The following FAM107B variants were observed in gnomAD, a reference collection of about 807,000 sequenced individuals.
The protein encoded by FAM107B is family with sequence similarity 107 member B.
FAM107B carries 21 observed loss-of-function variants against 31.5 expected under a neutral mutation model. The ratio of observed to expected loss-of-function variants is 0.67; its 90% CI spans 0.47 to 0.96. The LOEUF (loss-of-function observed/expected upper bound fraction) is 0.96, where lower values mean the gene tolerates loss of function less well. FAM107B is among the 40% of genes least tolerant of loss of function. FAM107B has a pLI of 0.00. For synonymous variants in FAM107B, 157 were observed against 141.5 expected (o/e 1.11, Z -0.78); for missense variants, 452 against 377.1 (o/e 1.20, Z -1.64).
intron 2 of FAM107B, among the ~76,000 whole-genome samples, chr10:14,665,857 C>A (rs1207171914): frequency 6.6e-6 from 1 of 152,182 alleles, no homozygotes; most frequent in African/African-American, 2.4e-5. Flanking sequence ...CACATGATTT[C>A]TCATATTGCG....
chr10:14,538,185 A>G (rs1027730055), intron 2 of FAM107B, among the ~76,000 whole-genome samples: 4 of 152,228 alleles, frequency 2.6e-5, no homozygotes, highest in African/African-American at 7.2e-5. Flanking sequence ...ACATCTTGCA[A>G]AGGATGACAT....
At chr10:14,540,677 C>T (rs1184782508) in intron 2 of FAM107B, among the ~76,000 whole-genome samples, 1 of 152,242 alleles carries the variant, frequency 6.6e-6, no homozygotes, top group African/African-American at 2.4e-5. Context: ...TACACCTTTA[C>T]CCCTTCTGCT....
At chr10:14,616,540 T>G (rs1162219982) in intron 2 of FAM107B, among the ~76,000 whole-genome samples, 1 of 152,212 alleles carries the variant, frequency 6.6e-6, no homozygotes, top group Non-Finnish European at 1.5e-5. Flanking sequence ...GGTATATTAT[T>G]GGCAATTTTG....
chr10:14,714,674 G>A (rs1855741791), intron 1 of FAM107B, among the ~76,000 whole-genome samples: 1 of 152,166 alleles, frequency 6.6e-6, no homozygotes, highest in Non-Finnish European at 1.5e-5. Context: ...AGCTGAGGGA[G>A]GGAGAGGAAA....
intron 2 of FAM107B, among the ~76,000 whole-genome samples, chr10:14,639,525 A>G (rs74122865): frequency 0.031 from 4,718 of 152,252 alleles, 248 homozygotes; most frequent in African/African-American, 0.11. Flanking sequence ...TCATGAAATA[A>G]GCAAAAATTA....
At chr10:14,595,660 T>C (rs962121370) in intron 2 of FAM107B, among the ~76,000 whole-genome samples, 1 of 151,968 alleles carries the variant, frequency 6.6e-6, no homozygotes, top group Non-Finnish European at 1.5e-5. Context: ...TTTTTACTTC[T>C]CTCCCCCTTG....
chr10:14,526,568 G>A (rs1239817089), intron 3 of FAM107B, among the ~76,000 whole-genome samples: 2 of 152,180 alleles, frequency 1.3e-5, no homozygotes, highest in Non-Finnish European at 2.9e-5. Flanking sequence ...TGCATGGATT[G>A]GAACACAAAT....
intron 1 of FAM107B, among the ~76,000 whole-genome samples, chr10:14,679,380 C>T (rs1854771637): frequency 6.6e-6 from 1 of 152,176 alleles, no homozygotes; most frequent in Non-Finnish European, 1.5e-5. Context: ...ATCCTTTTGC[C>T]TTGGCCTCCC....
chr10:14,718,197 C>T (rs1370860887), intron 1 of FAM107B, among the ~76,000 whole-genome samples: 15 of 151,962 alleles, frequency 9.9e-5, no homozygotes, highest in African/African-American at 3.4e-4. Flanking sequence ...TGTGGTGGCA[C>T]GCACCTGTAG....
At chr10:14,659,152 C>A (rs779581421) in intron 2 of FAM107B, among the ~76,000 whole-genome samples, 1 of 152,064 alleles carries the variant, frequency 6.6e-6, no homozygotes, top group Non-Finnish European at 1.5e-5. Flanking sequence ...CTCAAACTGT[C>A]TGCCCTGGCT....
chr10:14,522,694 G>C (rs1156690208), intron 3 of FAM107B, among the ~76,000 whole-genome samples: 1 of 152,076 alleles, frequency 6.6e-6, no homozygotes, highest in Non-Finnish European at 1.5e-5. Context: ...GATTACAGGC[G>C]TGAGCCACCA....
rs549884837 is a variant in FAM107B, at chr10:14,603,880, C to A, written c.469+63754G>T. Among the ~76,000 whole-genome samples the A allele has an allele frequency of 2.3e-4, 35 of 151,406 alleles. No homozygotes were observed. The South Asian group carries it at 7.2e-3, about 31-fold the overall frequency. On this transcript the variant is annotated intron_variant, in intron 2 of 4. Transcript: ENST00000181796. The stretch of plus-strand genomic sequence containing the variant: ...GCGAGGGGCGCCGAGGGCGGGCATA[C>A]GGCGCACACGGCCAGGCAGTGCACA...
intron 2 of FAM107B, among the ~76,000 whole-genome samples, chr10:14,584,750 T>C (rs1405265950): frequency 1.3e-5 from 2 of 152,144 alleles, no homozygotes; most frequent in Non-Finnish European, 2.9e-5. Flanking sequence ...TCCACACCTA[T>C]GTAACAAAAG....
rs1252454949 is a variant in FAM107B, at chr10:14,519,139, GA to G, written c.*2050del. 6.6e-6 allele frequency: 1 copy of G among 152,030 alleles called. No homozygotes were observed. Among genetic ancestry groups the G allele is most frequent in the Non-Finnish European group, 1.5e-5 (1 of 68,016 alleles). 9.4% of individuals were successfully genotyped at this position (152,030 alleles called of 1,614,324 possible). On this transcript the variant is annotated 3_prime_UTR_variant, in exon 5 of 5. Coordinates refer to ENST00000181796, the MANE Select transcript of FAM107B (RefSeq NM_031453.4). ...TGCAGATTTGAGTGAGATTAGGAAA[GA>G]AATGCTTTCTTAAGTAACTTTTTTT...
At chr10:14,639,878 G>A (rs1033630131) in intron 2 of FAM107B, among the ~76,000 whole-genome samples, 1 of 152,108 alleles carries the variant, frequency 6.6e-6, no homozygotes, top group African/African-American at 2.4e-5. Flanking sequence ...GCTACTACCC[G>A]GAGTGACCTT....
chr10:14,725,543 C>A (rs1275968147), intron 1 of FAM107B, among the ~76,000 whole-genome samples: 1 of 152,062 alleles, frequency 6.6e-6, no homozygotes, highest in Non-Finnish European at 1.5e-5. Flanking sequence ...AGTTAAGACC[C>A]CCTTCCTGGT....
At chr10:14,772,181 C>T (rs1833319236) in intron 1 of FAM107B, among the ~76,000 whole-genome samples, 1 of 151,866 alleles carries the variant, frequency 6.6e-6, no homozygotes, top group African/African-American at 2.4e-5. Flanking sequence ...GGTGAAATCC[C>T]ATCTCTACTG....
At chr10:14,704,861 T>G (rs112469010) in intron 1 of FAM107B, among the ~76,000 whole-genome samples, 1 of 151,782 alleles carries the variant, frequency 6.6e-6, no homozygotes, top group Non-Finnish European at 1.5e-5. Flanking sequence ...CCATCTCTAC[T>G]AAAAATACAA....
intron 1 of FAM107B, among the ~76,000 whole-genome samples, chr10:14,763,119 G>T (rs1833090495): frequency 6.6e-6 from 1 of 151,950 alleles, no homozygotes; most frequent in South Asian, 2.1e-4. Context: ...AAACTTAGCT[G>T]GGTGTGGTGG....
Sources: allele counts gnomAD v4.1 joint callset (sites outside exome capture counted in the v4.1 genomes callset), GRCh38; gene constraint gnomAD v4.1.1; transcripts MANE v1.5; gene names NCBI Gene and HGNC (gene_info 2026-07-23, HGNC 2026-07-21).